Variants in PLCXD3 observed in about 807,000 individuals in gnomAD.
PLCXD3 encodes PI-PLC X domain-containing protein 3.
Under a neutral mutation model 25.5 loss-of-function variants are expected in PLCXD3, and 19 were observed. The ratio of observed to expected loss-of-function variants is 0.75; its 90% CI spans 0.52 to 1.09. The LOEUF is 1.09. Ranked by LOEUF, PLCXD3 falls within the 50% of genes least tolerant of loss-of-function variation. The probability of loss-of-function intolerance (pLI) is 0.00; values close to 1 mark genes in which losing one functional copy is unlikely to be tolerated. For synonymous variants in PLCXD3, 174 were observed against 137.6 expected, an observed-to-expected ratio of 1.26 and a Z score of -1.85; for missense variants, 411 against 388.1, an observed-to-expected ratio of 1.06 and a Z score of -0.50.
intron 1 of PLCXD3, among the ~76,000 whole-genome samples, chr5:41,494,133 C>G (rs1370212980): frequency 2.0e-5 from 3 of 152,228 alleles, no homozygotes; most frequent in Non-Finnish European, 2.9e-5. Context: ...GGGTCTTGCT[C>G]TAATGCCCAG....
chr5:41,364,040 C>T (rs1187728745), intron 2 of PLCXD3, among the ~76,000 whole-genome samples: 1 of 152,010 alleles, frequency 6.6e-6, no homozygotes, highest in African/African-American at 2.4e-5. Context: ...AGCTCTAGTC[C>T]ACCAGTTTCC....
At chr5:41,333,826 TA>T in intron 2 of PLCXD3, among the ~76,000 whole-genome samples, 1 of 152,240 alleles carries the variant, frequency 6.6e-6, no homozygotes, top group South Asian at 2.1e-4. Flanking sequence ...TATTTAGGTG[TA>T]AAACAGAAAG....
intron 1 of PLCXD3, among the ~76,000 whole-genome samples, chr5:41,468,164 C>T (rs1206931914): frequency 1.3e-5 from 2 of 151,664 alleles, no homozygotes; most frequent in Admixed American, 6.6e-5. Context: ...ATAACAGGCA[C>T]CTGCCACCTG....
chr5:41,355,249 A>G (rs564595801), intron 2 of PLCXD3, among the ~76,000 whole-genome samples: 2 of 152,210 alleles, frequency 1.3e-5, no homozygotes, highest in African/African-American at 4.8e-5. Flanking sequence ...TACATAACAT[A>G]TCTCCTAATC....
At chr5:41,401,875 A>C (rs376143735) in intron 1 of PLCXD3, among the ~76,000 whole-genome samples, 1 of 151,990 alleles carries the variant, frequency 6.6e-6, no homozygotes, top group African/African-American at 2.4e-5. Context: ...TGAGCTGTAG[A>C]GTTTATTGGT....
intron 1 of PLCXD3, among the ~76,000 whole-genome samples, chr5:41,415,385 G>C (rs1300457399): frequency 6.6e-6 from 1 of 152,178 alleles, no homozygotes; most frequent in Non-Finnish European, 1.5e-5. Context: ...AATACTCTGT[G>C]TGCTCTTTGG....
chr5:41,313,750 T>A lies in PLCXD3; in HGVS notation c.833A>T (p.Gln278Leu), dbSNP rs759082912. 6.2e-7 allele frequency: 1 copy of A among 1,605,658 alleles called. No individual in the cohort carries two copies. Among genetic ancestry groups the A allele is most frequent in the Admixed American group, 1.7e-5 (1 of 58,822 alleles). Residue 278 changes from glutamine to leucine, a missense_variant, in exon 3 of 3, where the codon CAG becomes CTG. Coordinates refer to ENST00000377801, the MANE Select transcript of PLCXD3 (RefSeq NM_001005473.3). ...TCCTGGCTTCTGCGTGCGGACCCAC[T>A]GCATCATGGCAGGAAGAGCTCTGAG... ...ITERALPAMM[Q>L]WVRTQKPGES...
At chr5:41,357,263 G>A (rs1489134898) in intron 2 of PLCXD3, among the ~76,000 whole-genome samples, 1 of 152,114 alleles carries the variant, frequency 6.6e-6, no homozygotes, top group Non-Finnish European at 1.5e-5. Context: ...GCTTATATTT[G>A]TACCTTGGTA....
chr5:41,372,310 A>T (rs934157868), intron 2 of PLCXD3, among the ~76,000 whole-genome samples: 351 of 134,284 alleles, frequency 2.6e-3, no homozygotes, highest in African/African-American at 0.011. Context: ...ACACACACAC[A>T]CACACACACA....
intron 1 of PLCXD3, among the ~76,000 whole-genome samples, chr5:41,406,681 G>A (rs986332872): frequency 1.3e-5 from 2 of 152,006 alleles, no homozygotes; most frequent in Non-Finnish European, 2.9e-5. Flanking sequence ...GGCTTCCTGT[G>A]GGGGCCACTG....
chr5:41,479,213 A>G (rs1265860511), intron 1 of PLCXD3, among the ~76,000 whole-genome samples: 2 of 152,226 alleles, frequency 1.3e-5, no homozygotes, highest in Non-Finnish European at 2.9e-5. Flanking sequence ...ACCCATGCAA[A>G]GTGAAATAAG....
intron 2 of PLCXD3, among the ~76,000 whole-genome samples, chr5:41,352,657 TA>T (rs1198921818): frequency 6.6e-6 from 1 of 152,262 alleles, no homozygotes; most frequent in Non-Finnish European, 1.5e-5. Flanking sequence ...CTAAAATTTT[TA>T]AGACCTAGTT....
intron 1 of PLCXD3, among the ~76,000 whole-genome samples, chr5:41,443,707 T>C (rs987333551): frequency 6.6e-6 from 1 of 152,156 alleles, no homozygotes; most frequent in Non-Finnish European, 1.5e-5. Flanking sequence ...ACTGAGTCTT[T>C]CCTTTAAGGA....
At position 41,327,984 on chromosome 5, in the gene PLCXD3, T is replaced by G. The variant is rs114697951; in HGVS notation, c.813-14214A>C. Among the ~76,000 whole-genome samples, 612 of 152,226 alleles carry G rather than the reference T, an allele frequency of 4.0e-3. 8 individuals are homozygous for G. The highest frequency in any genetic ancestry group is 0.014 in the African/African-American group (583 of 41,544). On this transcript the variant is annotated intron_variant, in intron 2 of 2. Coordinates refer to ENST00000377801, the MANE Select transcript of PLCXD3 (RefSeq NM_001005473.3). Reference sequence around the variant, plus strand: ...CTGTGCTTGGCAGATGCTGGATTTATAGTGTGGATTAGACTCTGATGGCTT... The same window carrying G: ...CTGTGCTTGGCAGATGCTGGATTTAGAGTGTGGATTAGACTCTGATGGCTT...
intron 2 of PLCXD3, among the ~76,000 whole-genome samples, chr5:41,322,631 G>A (rs1341672430): frequency 2.6e-5 from 4 of 152,210 alleles, no homozygotes; most frequent in Non-Finnish European, 5.9e-5. Flanking sequence ...AGCACTGTGT[G>A]TAATACCTAA....
intron 2 of PLCXD3, 23 bp downstream of exon 2, chr5:41,381,803 C>T: frequency 6.4e-7 from 1 of 1,569,256 alleles, no homozygotes; most frequent in Non-Finnish European, 8.6e-7. Context: ...GAGGTTTCCC[C>T]CTGACATTTT....
intron 1 of PLCXD3, among the ~76,000 whole-genome samples, chr5:41,472,758 G>A (rs994334292): frequency 6.6e-6 from 1 of 152,312 alleles, no homozygotes; most frequent in Middle Eastern, 3.4e-3. Flanking sequence ...GGATCTTTAG[G>A]TTGGCCTAAA....
At chr5:41,472,402 T>C (rs1399834297) in intron 1 of PLCXD3, among the ~76,000 whole-genome samples, 2 of 152,188 alleles carry the variant, frequency 1.3e-5, no homozygotes, top group African/African-American at 4.8e-5. Context: ...ATACTGTTTT[T>C]CTCATGACTT....
chr5:41,313,743 G>A lies in PLCXD3; in HGVS notation c.840C>T (p.Val280=). The change falls in exon 3 of 3, where the codon GTC becomes GTT. Residue 280 remains valine, a synonymous_variant. Coordinates refer to ENST00000377801, the MANE Select transcript of PLCXD3 (RefSeq NM_001005473.3). Reference sequence around the variant, plus strand: ...CACTCTCTCCTGGCTTCTGCGTGCGGACCCACTGCATCATGGCAGGAAGAG... The same window carrying A: ...CACTCTCTCCTGGCTTCTGCGTGCGAACCCACTGCATCATGGCAGGAAGAG... The part of the protein sequence containing the change: ...ERALPAMMQW[V]RTQKPGESGI... 6.2e-7 allele frequency: 1 copy of A among 1,608,994 alleles called. No individual in the cohort carries two copies. The highest frequency in any genetic ancestry group is 8.5e-7 in the Non-Finnish European group (1 of 1,177,536).
Sources: gnomAD v4.1 joint callset for allele counts (sites outside exome capture counted in the v4.1 genomes callset) on GRCh38, gnomAD v4.1.1 for gene constraint, MANE v1.5 for transcripts, NCBI Gene and HGNC (gene_info 2026-07-23, HGNC 2026-07-21) for gene names.